KLHL20: variants seen among roughly 807,000 people sequenced by gnomAD.
KLHL20 encodes kelch-like protein 20.
Under a neutral mutation model 69.5 loss-of-function variants are expected in KLHL20, and 29 were observed. The observed-to-expected ratio is 0.42, with a 90% CI of 0.31 to 0.57. The LOEUF (loss-of-function observed/expected upper bound fraction) is 0.57, where lower values mean the gene tolerates loss of function less well. Among genes scored for constraint, KLHL20 ranks in the 20% least tolerant of loss-of-function variants. The pLI is 0.18. For synonymous variants in KLHL20, 253 were observed against 265.2 expected, an observed-to-expected ratio of 0.95 and a Z score of 0.45; for missense variants, 419 against 776.0, an observed-to-expected ratio of 0.54 and a Z score of 5.47.
At chr1:173,765,707 A>G (rs1647660232) in intron 7 of KLHL20, among the ~76,000 whole-genome samples, 1 of 152,194 alleles carries the variant, frequency 6.6e-6, no homozygotes, top group Non-Finnish European at 1.5e-5. Flanking sequence ...CTAGAGCTAT[A>G]TTAGCATAAA....
intron 9 of KLHL20, among the ~76,000 whole-genome samples, chr1:173,774,861 A>C (rs1332502127): frequency 6.6e-6 from 1 of 152,124 alleles, no homozygotes; most frequent in East Asian, 1.9e-4. Context: ...CCCAGGCTGG[A>C]GTCCAGTGCC....
At chr1:173,725,242 T>G (rs1671901688) in intron 2 of KLHL20, among the ~76,000 whole-genome samples, 1 of 152,232 alleles carries the variant, frequency 6.6e-6, no homozygotes, top group African/African-American at 2.4e-5. Context: ...TTCACATGAA[T>G]TACAGTTATT....
Position 173,785,929 on chromosome 1 carries a change from T to TA in KLHL20, c.*683dup, listed in dbSNP as rs888458695. 1.3e-5 allele frequency: 2 copies of TA among 152,196 alleles called. No individual in the cohort carries two copies. Among genetic ancestry groups the TA allele is most frequent in the Admixed American group, 1.3e-4 (2 of 15,278 alleles). The allele number at this position is 152,196 out of a possible 1,614,324, so 9.4% of individuals were successfully genotyped here. A position where few individuals can be genotyped will look rare whatever the true frequency, so the allele number is the denominator to read the frequency against. On this transcript the variant is annotated 3_prime_UTR_variant, in exon 12 of 12. Coordinates refer to ENST00000209884, the MANE Select transcript of KLHL20 (RefSeq NM_014458.4). ...TAGTCTTTTTTTCATAATATTCTCA[T>TA]AGAGTTTCTGCTAGATCTAGAGCTC...
At chr1:173,751,956 G>T in intron 4 of KLHL20, 34 bp downstream of exon 4, 1 of 1,597,266 alleles carries the variant, frequency 6.3e-7, no homozygotes, top group South Asian at 1.1e-5. Flanking sequence ...AGAAACTGCT[G>T]ACCGGGCATG....
chr1:173,735,936 CT>C (rs769632286), intron 3 of KLHL20, among the ~76,000 whole-genome samples: 19,019 of 105,414 alleles, frequency 0.18, 939 homozygotes, highest in East Asian at 0.28. Context: ...GCCATTCTAT[CT>C]TTTTTTTTTT....
chr1:173,770,628 C>A (rs1032407802), intron 8 of KLHL20, among the ~76,000 whole-genome samples: 13 of 148,378 alleles, frequency 8.8e-5, no homozygotes, highest in African/African-American at 3.0e-4. Flanking sequence ...TGCAGTGAGC[C>A]GAGGTCGCAC....
chr1:173,756,087 G>A (rs769143570), intron 6 of KLHL20, 49 bp downstream of exon 6: 13 of 1,310,372 alleles, frequency 9.9e-6, no homozygotes, highest in Non-Finnish European at 1.4e-5. Flanking sequence ...TCCCAGGTGA[G>A]AAACTGTCAT....
intron 10 of KLHL20, among the ~76,000 whole-genome samples, chr1:173,781,009 AAGAGGG>A (rs1281145191): frequency 1.4e-5 from 2 of 138,424 alleles, no homozygotes; most frequent in African/African-American, 5.3e-5. Context: ...GAGAGAGGGA[AAGAGGG>A]AGAGGGAGAG....
chr1:173,724,720 A>G (rs1671875006), intron 2 of KLHL20, among the ~76,000 whole-genome samples: 1 of 152,190 alleles, frequency 6.6e-6, no homozygotes, highest in Non-Finnish European at 1.5e-5. Flanking sequence ...TGGGAGGATC[A>G]GTTGAGCCTA....
intron 2 of KLHL20, among the ~76,000 whole-genome samples, chr1:173,728,923 A>T (rs1672114404): frequency 6.6e-6 from 1 of 152,238 alleles, no homozygotes; most frequent in Non-Finnish European, 1.5e-5. Context: ...CCTTCAAAAA[A>T]TCAATGAATC....
At chr1:173,757,810 G>A (rs1208468719) in intron 7 of KLHL20, among the ~76,000 whole-genome samples, 1 of 152,040 alleles carries the variant, frequency 6.6e-6, no homozygotes, top group Admixed American at 6.6e-5. Context: ...TTTTGAACAT[G>A]TTTGTACATA....
intron 2 of KLHL20, among the ~76,000 whole-genome samples, chr1:173,730,271 T>A (rs1013778405): frequency 1.3e-5 from 2 of 152,032 alleles, no homozygotes; most frequent in African/African-American, 4.8e-5. Context: ...GAAGAATCAA[T>A]ATCATGAAAA....
In KLHL20 at chr1:173,783,335, G is replaced by C. The variant is rs866999697; in HGVS notation, c.1745+1105G>C. ...CTTATGACCATGAAGGATAAGCTGA[G>C]CTCTGTTTTATTGTTACTATTCTAA... On this transcript the variant is annotated intron_variant, in intron 11 of 11. Coordinates refer to ENST00000209884, the MANE Select transcript of KLHL20 (RefSeq NM_014458.4). Among the ~76,000 whole-genome samples, 10 of 152,292 alleles carry C rather than the reference G, an allele frequency of 6.6e-5. No homozygotes were observed. In the Middle Eastern group the frequency reaches 0.01, roughly 155 times the overall value.
chr1:173,727,833 C>T (rs1672053067), intron 2 of KLHL20, among the ~76,000 whole-genome samples: 1 of 152,160 alleles, frequency 6.6e-6, no homozygotes, highest in Non-Finnish European at 1.5e-5. Context: ...TAGGAAGAAA[C>T]TGCATCAACT....
At chr1:173,762,244 A>C (rs879733472) in intron 7 of KLHL20, among the ~76,000 whole-genome samples, 7 of 152,156 alleles carry the variant, frequency 4.6e-5, no homozygotes, top group African/African-American at 7.2e-5. Flanking sequence ...ATTACAACAA[A>C]AAAAAAGTCC....
At chr1:173,737,518 G>T (rs1672592546) in intron 3 of KLHL20, among the ~76,000 whole-genome samples, 1 of 152,190 alleles carries the variant, frequency 6.6e-6, no homozygotes, top group African/African-American at 2.4e-5. Flanking sequence ...CTTTGTCAAA[G>T]ATCAGTTGGC....
intron 3 of KLHL20, among the ~76,000 whole-genome samples, chr1:173,748,163 A>G (rs1673155708): frequency 6.6e-6 from 1 of 152,138 alleles, no homozygotes; most frequent in Admixed American, 6.5e-5. Flanking sequence ...AATTGAATTA[A>G]TAATTTAAAA....
intron 10 of KLHL20, 61 bp from the exon 11 acceptor site, chr1:173,782,063 T>G: frequency 8.9e-7 from 1 of 1,122,982 alleles, no homozygotes; most frequent in South Asian, 1.3e-5. Flanking sequence ...TAGAAACCAG[T>G]CTATAATTTC....
chr1:173,737,000 T>C (rs1672568985), intron 3 of KLHL20, among the ~76,000 whole-genome samples: 1 of 152,232 alleles, frequency 6.6e-6, no homozygotes, highest in African/African-American at 2.4e-5. Flanking sequence ...TTTTTTCATA[T>C]GTTTGTTGGC....
Sources: gnomAD v4.1 joint callset for allele counts (sites outside exome capture counted in the v4.1 genomes callset) on GRCh38, gnomAD v4.1.1 for gene constraint, MANE v1.5 for transcripts, NCBI Gene and HGNC (gene_info 2026-07-23, HGNC 2026-07-21) for gene names.